DRC1: variants seen among roughly 807,000 people sequenced by gnomAD.
DRC1 encodes the protein dynein regulatory complex protein 1.
A neutral mutation model predicts 98.7 loss-of-function variants in DRC1; 74 were observed. The ratio of observed to expected loss-of-function variants is 0.75; its 90% CI spans 0.62 to 0.91. The LOEUF is 0.91. DRC1 is among the 40% of genes least tolerant of loss of function. DRC1 has a pLI of 0.00. For missense variants in DRC1, 875 were observed against 886.0 expected (o/e 0.99, Z 0.16); for synonymous variants, 336 against 334.1 (o/e 1.01, Z -0.06).
At chr2:26,410,951 G>A (rs962009728) in intron 1 of DRC1, among the ~76,000 whole-genome samples, 2 of 152,262 alleles carry the variant, frequency 1.3e-5, no homozygotes, top group African/African-American at 2.4e-5. Context: ...GAAGGAAGCA[G>A]TGAAGGAAAG....
At chr2:26,417,490 A>G (rs935593861) in intron 2 of DRC1, among the ~76,000 whole-genome samples, 3 of 152,090 alleles carry the variant, frequency 2.0e-5, no homozygotes, top group Admixed American at 1.3e-4. Flanking sequence ...CACCATACCT[A>G]GCTAATTTTT....
chr2:26,443,562 C>CT (rs1456246857), intron 8 of DRC1, among the ~76,000 whole-genome samples: 4 of 152,228 alleles, frequency 2.6e-5, no homozygotes, highest in Non-Finnish European at 5.9e-5. Context: ...CCACGCTGTA[C>CT]TGTAATTAAC....
Position 26,444,901 on chromosome 2 carries a change from C to T in DRC1, c.1349C>T (p.Pro450Leu), listed in dbSNP as rs756473853. The T allele has an allele frequency of 6.2e-7, 1 of 1,614,098 alleles. No homozygotes were observed. Among genetic ancestry groups the T allele is most frequent in the Non-Finnish European group, 8.5e-7 (1 of 1,180,032 alleles). The change falls in exon 10 of 17, where the codon CCC (proline) becomes CTC (leucine). Residue 450 changes from proline to leucine, a missense_variant. Transcript: ENST00000288710. Reference protein sequence around the residue: ...LNNVGPISQQPQKSATQIVEE... With the variant: ...LNNVGPISQQLQKSATQIVEE... ...AATGTTGGGCCTATTTCTCAGCAGC[C>T]CCAGAAGTCCGCCACACAGATAGTA...
intron 4 of DRC1, among the ~76,000 whole-genome samples, chr2:26,428,567 G>A (rs1663344088): frequency 6.6e-6 from 1 of 152,204 alleles, no homozygotes; most frequent in Non-Finnish European, 1.5e-5. Context: ...GGGAGGCCGA[G>A]GCAGGTGGAT....
Position 26,451,836 on chromosome 2 carries a change from G to A in DRC1, c.1689+1155G>A, listed in dbSNP as rs114797891. 4.8e-3 allele frequency among the ~76,000 whole-genome samples: 727 copies of A among 152,320 alleles called. 7 individuals carry two copies. The highest frequency in any genetic ancestry group is 0.017 in the African/African-American group (692 of 41,572). On this transcript the variant is annotated intron_variant, in intron 13 of 16. Coordinates refer to ENST00000288710, the MANE Select transcript of DRC1 (RefSeq NM_145038.5). ...AAAATCATGATAAGCAAAGTTAAGA[G>A]ATGAATGACAAGCTGCAGAGAAATA...
At chr2:26,437,864 A>C (rs1234228678) in intron 7 of DRC1, among the ~76,000 whole-genome samples, 1 of 151,956 alleles carries the variant, frequency 6.6e-6, no homozygotes. Context: ...CAAGGCGGGC[A>C]GATCACCTGA....
intron 1 of DRC1, among the ~76,000 whole-genome samples, chr2:26,405,511 T>A (rs1678387600): frequency 6.6e-6 from 1 of 152,060 alleles, no homozygotes. Flanking sequence ...ATAATAGATG[T>A]GGCACCTGAA....
intron 4 of DRC1, among the ~76,000 whole-genome samples, chr2:26,426,024 G>A (rs1663275182): frequency 6.6e-6 from 1 of 152,092 alleles, no homozygotes; most frequent in South Asian, 2.1e-4. Context: ...TTTCTTCTAG[G>A]AGTTTAATAG....
chr2:26,422,787 C>T (rs936069344), intron 3 of DRC1, among the ~76,000 whole-genome samples: 11 of 151,902 alleles, frequency 7.2e-5, no homozygotes, highest in African/African-American at 2.2e-4. Flanking sequence ...TGTGGTGGCG[C>T]GTGCACACCT....
At position 26,456,627 on chromosome 2, in the gene DRC1, C is replaced by A. The variant is rs553618071; in HGVS notation, c.*110C>A. On this transcript the variant is annotated 3_prime_UTR_variant, in exon 17 of 17. Transcript: ENST00000288710. ...CACCTGGGCCTGCTCTCTGGATTTT[C>A]CAGGGCTGTCTTTATAGCCTGTCGA... The A allele has an allele frequency of 2.7e-5, 35 of 1,315,850 alleles. No individual in the cohort carries two copies. The African/African-American group carries it at 4.8e-4, about 18-fold the overall frequency. The allele number at this position is 1,315,850 out of a possible 1,614,324, so 81.5% of individuals were successfully genotyped here. A position where few individuals can be genotyped will look rare whatever the true frequency, so the allele number is the denominator to read the frequency against.
At chr2:26,447,842 C>A (rs1480883099) in intron 10 of DRC1, among the ~76,000 whole-genome samples, 1 of 151,308 alleles carries the variant, frequency 6.6e-6, no homozygotes, top group African/African-American at 2.4e-5. Flanking sequence ...GCTGGGATTA[C>A]AGGCATGAGC....
rs1663235392 is a variant in DRC1, at chr2:26,424,551, C to A, written c.540+97C>A. 4.9e-6 allele frequency: 6 copies of A among 1,235,280 alleles called. No homozygotes were observed. In the Admixed American group the frequency reaches 7.9e-5, roughly 16 times the overall value. 76.5% of individuals were successfully genotyped at this position (1,235,280 alleles called of 1,614,324 possible). A position where few individuals can be genotyped will look rare whatever the true frequency, so the allele number is the denominator to read the frequency against. On this transcript the variant is annotated intron_variant, in intron 4 of 16. Coordinates refer to ENST00000288710, the MANE Select transcript of DRC1 (RefSeq NM_145038.5). ...TTTCCTGAATGGAAAAATGTAGAAA[C>A]CTTTTACTTCATTATTTAGAATGCT...
chr2:26,442,885 C>T (rs562943756), intron 8 of DRC1, among the ~76,000 whole-genome samples: 1 of 152,294 alleles, frequency 6.6e-6, no homozygotes, highest in Non-Finnish European at 1.5e-5. Flanking sequence ...TGCTATCTTG[C>T]CCAGACCTTC....
At position 26,456,356 on chromosome 2, in the gene DRC1, G is replaced by C. The variant is rs920741909; in HGVS notation, c.2167-105G>C. The stretch of plus-strand genomic sequence containing the variant: ...TCTCTCAGCTTTGGAGAGGAGATGC[G>C]TGCAGGGCTTTGGAGGCCCATGGGA... On this transcript the variant is annotated intron_variant, in intron 16 of 16. Coordinates refer to ENST00000288710, the MANE Select transcript of DRC1 (RefSeq NM_145038.5). 5.7e-6 allele frequency: 8 copies of C among 1,405,326 alleles called. No individual in the cohort carries two copies. In the Admixed American group the frequency reaches 1.1e-4, roughly 19 times the overall value. The allele number at this position is 1,405,326 out of a possible 1,614,324, so 87.1% of individuals were successfully genotyped here.
At position 26,444,266 on chromosome 2, in the gene DRC1, A is replaced by T; in HGVS notation, c.1073A>T (p.Gln358Leu). ...LNNLRSKYAKQIKQFQEENQS... is the reference protein window; with the variant it reads ...LNNLRSKYAKLIKQFQEENQS... ...AATCTGAGATCAAAATATGCCAAGCAAATAAAGCAGTTTCAGGAGGAGAAC... is the reference window on the plus strand; with the variant it reads ...AATCTGAGATCAAAATATGCCAAGCTAATAAAGCAGTTTCAGGAGGAGAAC... Residue 358 changes from glutamine to leucine, a missense_variant, in exon 9 of 17, where the codon CAA (glutamine) becomes CTA (leucine). By Grantham distance (113) the Gln-to-Leu change is moderately radical (BLOSUM62 -2). Coordinates refer to ENST00000288710, the MANE Select transcript of DRC1 (RefSeq NM_145038.5). The T allele has an allele frequency of 6.2e-7, 1 of 1,614,226 alleles. No homozygotes were observed. The highest frequency in any genetic ancestry group is 8.5e-7 in the Non-Finnish European group (1 of 1,180,042).
intron 3 of DRC1, among the ~76,000 whole-genome samples, chr2:26,423,985 G>A (rs916728549): frequency 2.6e-5 from 4 of 152,180 alleles, no homozygotes; most frequent in East Asian, 1.9e-4. Flanking sequence ...GTGACCAATC[G>A]ATCTTGGTGT....
chr2:26,420,416 A>G (rs1406841544), intron 2 of DRC1, among the ~76,000 whole-genome samples: 2 of 151,942 alleles, frequency 1.3e-5, no homozygotes, highest in Non-Finnish European at 2.9e-5. Flanking sequence ...TATCTGCCTC[A>G]CTGTCATTAC....
At chr2:26,452,479 C>T (rs145049946) in intron 13 of DRC1, among the ~76,000 whole-genome samples, 2,667 of 152,210 alleles carry the variant, frequency 0.018, 76 homozygotes, top group African/African-American at 0.059. Flanking sequence ...AGGCTGCTCT[C>T]GAACTCCTGA....
intron 2 of DRC1, among the ~76,000 whole-genome samples, chr2:26,417,310 T>G (rs1230964642): frequency 2.0e-5 from 3 of 152,150 alleles, no homozygotes; most frequent in African/African-American, 7.2e-5. Flanking sequence ...CCGGATTGTC[T>G]TGGCTACTTG....
Sources: allele counts gnomAD v4.1 joint callset (sites outside exome capture counted in the v4.1 genomes callset), GRCh38; gene constraint gnomAD v4.1.1; transcripts MANE v1.5; gene names NCBI Gene and HGNC (gene_info 2026-07-23, HGNC 2026-07-21).